LRIG1: variants seen among roughly 807,000 people sequenced by gnomAD.
LRIG1 encodes leucine-rich repeats and immunoglobulin-like domains protein 1.
In LRIG1, 48 loss-of-function variants were observed where a neutral mutation model predicts 99.2. That is an observed-to-expected ratio of 0.48 (90% CI 0.38 to 0.62). The LOEUF is 0.62. LRIG1 is among the 20% of genes least tolerant of loss of function. The probability of loss-of-function intolerance (pLI) is 0.00; values close to 1 mark genes in which losing one functional copy is unlikely to be tolerated. For synonymous variants in LRIG1, 772 were observed against 596.1 expected (o/e 1.29, Z -4.30); for missense variants, 1,646 against 1,434.4 (o/e 1.15, Z -2.38).
At chr3:66,495,608 A>T (rs919974549) in intron 1 of LRIG1, among the ~76,000 whole-genome samples, 2 of 152,248 alleles carry the variant, frequency 1.3e-5, no homozygotes, top group African/African-American at 4.8e-5. Flanking sequence ...TTTACTGCAT[A>T]TAACAACTTT....
chr3:66,394,116 C>G lies in LRIG1; in HGVS notation c.1392G>C (p.Val464=). 6.2e-7 allele frequency: 1 copy of G among 1,613,880 alleles called. No homozygotes were observed. Among genetic ancestry groups the G allele is most frequent in the Non-Finnish European group, 8.5e-7 (1 of 1,179,938 alleles). The stretch of plus-strand genomic sequence containing the variant: ...ATTCTGGGTGGGCACAGGTGGCTGT[C>G]ACAAAGGCCTGCAGCATCCTGCCAA... The part of the protein sequence containing the change: ...WLIGRMLQAF[V]TATCAHPESL... Residue 464 remains valine, a synonymous_variant, in exon 12 of 19, where the codon GTG becomes GTC. Transcript: ENST00000273261.
At chr3:66,424,154 G>C (rs1702903941) in intron 3 of LRIG1, among the ~76,000 whole-genome samples, 1 of 152,134 alleles carries the variant, frequency 6.6e-6, no homozygotes, top group African/African-American at 2.4e-5. Flanking sequence ...ACGTTTCAAA[G>C]CAAATCCCAG....
chr3:66,404,513 T>C (rs1236957915), intron 9 of LRIG1: 3 of 887,836 alleles, frequency 3.4e-6, no homozygotes, highest in African/African-American at 1.8e-5. Context: ...AACGTGGGCT[T>C]TGGAGCCAAA....
intron 7 of LRIG1, among the ~76,000 whole-genome samples, chr3:66,408,961 T>TGTGTGTGTGG (rs1434233261): frequency 1.2e-4 from 1 of 8,122 alleles, no homozygotes; most frequent in Non-Finnish European, 2.7e-4. Context: ...TGTGTGTGTG[T>TGTGTGTGTGG]GGTGGGGGGA....
chr3:66,454,574 T>C (rs948815382), intron 2 of LRIG1, among the ~76,000 whole-genome samples: 1 of 152,180 alleles, frequency 6.6e-6, no homozygotes, highest in Admixed American at 6.5e-5. Flanking sequence ...CCTAAAAATC[T>C]CTCTGAAACG....
chr3:66,385,197 C>G (rs1701312876), intron 13 of LRIG1, among the ~76,000 whole-genome samples: 1 of 152,164 alleles, frequency 6.6e-6, no homozygotes. Context: ...TGACAAGCTC[C>G]AAGGCTGGTT....
intron 3 of LRIG1, among the ~76,000 whole-genome samples, chr3:66,430,241 AAG>A (rs986865082): frequency 1.4e-4 from 21 of 152,370 alleles, no homozygotes; most frequent in Admixed American, 1.0e-3. Context: ...AACTTTTAAA[AAG>A]AAAAAAATTT....
At chr3:66,475,833 G>A (rs143879014) in intron 1 of LRIG1, among the ~76,000 whole-genome samples, 8 of 152,308 alleles carry the variant, frequency 5.3e-5, no homozygotes, top group East Asian at 3.9e-4. Flanking sequence ...AGGCCTGCCC[G>A]TCACACTACT....
Position 66,384,276 on chromosome 3 carries a change from G to T in LRIG1, c.1790-4C>A. On this transcript the variant is annotated splice_region_variant and splice_polypyrimidine_tract_variant and intron_variant, in intron 13 of 18. Transcript: ENST00000273261. The stretch of plus-strand genomic sequence containing the variant: ...GTTTTGGTGAATGATGGCAACACTG[G>T]AAAACATACGTATACAGGGTCGGGT... The T allele has an allele frequency of 6.2e-7, 1 of 1,609,860 alleles. No individual in the cohort carries two copies. The highest frequency in any genetic ancestry group is 8.5e-7 in the Non-Finnish European group (1 of 1,176,596).
intron 1 of LRIG1, among the ~76,000 whole-genome samples, chr3:66,468,163 G>A (rs973998330): frequency 1.3e-5 from 2 of 152,172 alleles, no homozygotes; most frequent in Non-Finnish European, 2.9e-5. Context: ...TTCAAAGCTG[G>A]TGAACAGTAA....
rs1444752816 is a variant in LRIG1, at chr3:66,412,799, A to G, written c.791+72T>C. The G allele has an allele frequency of 9.0e-6, 14 of 1,558,320 alleles. 1 individual carries two copies. The highest frequency in any genetic ancestry group is 3.8e-4 in the Middle Eastern group (2 of 5,298). ...TGTTGGTGCGCACATGCATGCGCAC[A>G]CACACACACGCCACATCACACCACA... is the stretch of plus-strand genomic sequence containing the variant. On this transcript the variant is annotated intron_variant, in intron 6 of 18. Transcript: ENST00000273261.
intron 1 of LRIG1, among the ~76,000 whole-genome samples, chr3:66,463,857 G>A (rs1037793984): frequency 5.9e-5 from 9 of 152,288 alleles, no homozygotes; most frequent in East Asian, 3.9e-4. Flanking sequence ...GCTCAGAGAC[G>A]TTCATCTAAA....
chr3:66,407,594 G>A, intron 7 of LRIG1, 103 bp from the exon 8 acceptor site: 1 of 1,350,426 alleles, frequency 7.4e-7, no homozygotes, highest in African/African-American at 1.4e-5. Context: ...AGTGGGAAAT[G>A]ACACAGATGC....
Position 66,394,066 on chromosome 3 carries a change from G to A in LRIG1, c.1442C>T (p.Ser481Phe), listed in dbSNP as rs779724558. 1.9e-6 allele frequency: 3 copies of A among 1,614,008 alleles called. No homozygotes were observed. The highest frequency in any genetic ancestry group is 8.5e-7 in the Non-Finnish European group (1 of 1,180,022). ...GCACACGAAACTCTCTGGTGGCACA[G>A]AGAAAATGCTCTGACCCTTCAGTGA... ...PESLKGQSIF[S>F]VPPESFVCDD... Residue 481 changes from serine (S) to phenylalanine (F), a missense_variant, in exon 12 of 19, where the codon TCT (serine) becomes TTT (phenylalanine). Coordinates refer to ENST00000273261, the MANE Select transcript of LRIG1 (RefSeq NM_015541.3).
intron 1 of LRIG1, chr3:66,498,100 C>T (rs1300169719): frequency 2.0e-5 from 3 of 152,136 alleles, no homozygotes; most frequent in Admixed American, 6.5e-5. Flanking sequence ...AAATATTTTT[C>T]AAAGGATAGC....
intron 1 of LRIG1, among the ~76,000 whole-genome samples, chr3:66,492,751 T>G (rs1701133127): frequency 6.6e-6 from 1 of 152,208 alleles, no homozygotes; most frequent in Non-Finnish European, 1.5e-5. Flanking sequence ...TATTAGGACT[T>G]GCAGAAATGA....
At chr3:66,499,531 C>G (rs1575740223) in intron 1 of LRIG1, among the ~76,000 whole-genome samples, 1 of 152,192 alleles carries the variant, frequency 6.6e-6, no homozygotes, top group East Asian at 1.9e-4. Context: ...ACTCCCAGCA[C>G]TCACAGGTCG....
At chr3:66,444,348 C>T (rs886420244) in intron 3 of LRIG1, among the ~76,000 whole-genome samples, 5 of 151,042 alleles carry the variant, frequency 3.3e-5, no homozygotes, top group South Asian at 2.1e-4. Flanking sequence ...CTGTTCTGTC[C>T]GTGGTACTGG....
intron 1 of LRIG1, 30 bp from the exon 2 acceptor site, chr3:66,462,539 A>G (rs778708561): frequency 3.3e-6 from 5 of 1,512,318 alleles, no homozygotes; most frequent in Non-Finnish European, 4.6e-6. Context: ...AAAAAAACGG[A>G]ATCAACAACC....
Sources: gnomAD v4.1 joint callset for allele counts (sites outside exome capture counted in the v4.1 genomes callset) on GRCh38, gnomAD v4.1.1 for gene constraint, MANE v1.5 for transcripts, NCBI Gene and HGNC (gene_info 2026-07-23, HGNC 2026-07-21) for gene names.